Variants in TMEM181 observed in about 807,000 individuals in gnomAD.
TMEM181 encodes the protein G protein-coupled receptor 178.
A neutral mutation model predicts 71.9 loss-of-function variants in TMEM181; 39 were observed. The ratio of observed to expected loss-of-function variants is 0.54; its 90% confidence interval spans 0.42 to 0.71. TMEM181 has a LOEUF of 0.71. Ranked by LOEUF, TMEM181 falls within the 30% of genes least tolerant of loss-of-function variation. The probability of loss-of-function intolerance (pLI) is 0.00; values close to 1 mark genes in which losing one functional copy is unlikely to be tolerated. For missense variants in TMEM181, 595 were observed against 583.0 expected (o/e 1.02, Z -0.21); for synonymous variants, 245 against 228.8 (o/e 1.07, Z -0.64).
Position 158,605,435 on chromosome 6 carries a change from TGGAGATTG to T in TMEM181, c.573+89_573+96del. 12 of 1,225,364 alleles carry T rather than the reference TGGAGATTG, an allele frequency of 9.8e-6. No individual in the cohort carries two copies. In the South Asian group the frequency reaches 1.3e-4, roughly 13 times the overall value. 75.9% of individuals were successfully genotyped at this position (1,225,364 alleles called of 1,614,324 possible). A position where few individuals can be genotyped will look rare whatever the true frequency, so the allele number is the denominator to read the frequency against. Reference sequence around the variant, plus strand: ...GTTAGGATCTTCGGTGCAAGCCACATGGAGATTGATCTGAACTCAGATGCTCCATCCAG... The same window carrying T: ...GTTAGGATCTTCGGTGCAAGCCACATATCTGAACTCAGATGCTCCATCCAG... On this transcript the variant is annotated intron_variant, in intron 7 of 16. Transcript: ENST00000684151.
chr6:158,544,044 T>C (rs1237590224), intron 1 of TMEM181, among the ~76,000 whole-genome samples: 1 of 152,186 alleles, frequency 6.6e-6, no homozygotes, highest in African/African-American at 2.4e-5. Context: ...AGATCCCTCC[T>C]GGCTCTAAAA....
chr6:158,585,530 A>T (rs895035448), intron 5 of TMEM181, 105 bp downstream of exon 5: 9 of 1,296,070 alleles, frequency 6.9e-6, no homozygotes, highest in Non-Finnish European at 9.0e-6. Flanking sequence ...AGGCTTCGAG[A>T]AATTGTTCTT....
In TMEM181 at chr6:158,633,739, A is replaced by G. The variant is rs190626470; in HGVS notation, c.*1851A>G. On this transcript the variant is annotated 3_prime_UTR_variant, in exon 17 of 17. Transcript: ENST00000684151. ...TGTTTTAAAAACCTTGTAAATATGA[A>G]TGTTTAAGACAACTTACTGCAAGGG... 1.7e-4 allele frequency: 26 copies of G among 152,316 alleles called. No homozygotes were observed. Among genetic ancestry groups the G allele is most frequent in the Admixed American group, 4.6e-4 (7 of 15,302 alleles). The allele number at this position is 152,316 out of a possible 1,614,324, so 9.4% of individuals were successfully genotyped here. A position where few individuals can be genotyped will look rare whatever the true frequency, so the allele number is the denominator to read the frequency against.
At chr6:158,554,468 C>A (rs1431484424) in intron 1 of TMEM181, among the ~76,000 whole-genome samples, 1 of 152,194 alleles carries the variant, frequency 6.6e-6, no homozygotes, top group Non-Finnish European at 1.5e-5. Context: ...GATCCACCTG[C>A]CTCAGCCTCC....
intron 1 of TMEM181, among the ~76,000 whole-genome samples, chr6:158,538,138 A>C (rs1398672791): frequency 1.5e-4 from 17 of 109,910 alleles, no homozygotes; most frequent in South Asian, 3.5e-4. Context: ...CCCGCCCCCT[A>C]CTCTGTTTTT....
At position 158,593,952 on chromosome 6, in the gene TMEM181, G is replaced by A. The variant is rs368348945; in HGVS notation, c.492+4170G>A. Among the ~76,000 whole-genome samples the A allele has an allele frequency of 2.0e-5, 3 of 151,322 alleles. No individual in the cohort carries two copies. The East Asian group carries it at 5.8e-4, about 29-fold the overall frequency. ...GTTTACATTAGAATTCCCTCTTGGT[G>A]TTGTACATTCTGTAGGATCCACTAT... On this transcript the variant is annotated intron_variant, in intron 6 of 16. Coordinates refer to ENST00000684151, the MANE Select transcript of TMEM181 (RefSeq NM_001376852.1).
chr6:158,585,230 A>G (rs761288143), intron 4 of TMEM181, 74 bp from the exon 5 acceptor site: 75 of 1,468,082 alleles, frequency 5.1e-5, no homozygotes, highest in Non-Finnish European at 6.4e-5. Flanking sequence ...AGGTCATTAC[A>G]GAGCCAGGAA....
At chr6:158,538,041 G>T (rs1040276144) in intron 1 of TMEM181, among the ~76,000 whole-genome samples, 2 of 152,062 alleles carry the variant, frequency 1.3e-5, no homozygotes, top group Non-Finnish European at 2.9e-5. Flanking sequence ...TGGAAGACCT[G>T]AGGGTATGGG....
At chr6:158,581,131 C>A in intron 3 of TMEM181, 136 bp downstream of exon 3, 1 of 783,112 alleles carries the variant, frequency 1.3e-6, no homozygotes, top group Non-Finnish European at 2.0e-6. Context: ...ATTTCTTCTT[C>A]CATTGTCAGC....
rs1363569648 is a variant in TMEM181, at chr6:158,605,154, G to GTGTGTGTA, written c.493-108_493-107insGTATGTGT. The GTGTGTGTA allele has an allele frequency of 5.5e-4, 316 of 576,384 alleles. 2 individuals carry two copies. The African/African-American group carries it at 5.7e-3, about 10-fold the overall frequency. The allele number at this position is 576,384 out of a possible 1,614,324, so 35.7% of individuals were successfully genotyped here. On this transcript the variant is annotated intron_variant, in intron 6 of 16. Transcript: ENST00000684151. ...AAAGTGTGTGTGTGTGTGTGTGTGT[G>GTGTGTGTA]TGTGTATGTGTATATATTGTCTCAT...
chr6:158,560,104 CCGGCCGCTGCT>C lies in TMEM181; in HGVS notation c.-119_-109del. On this transcript the variant is annotated 5_prime_UTR_variant, in exon 1 of 17. Transcript: ENST00000684151. ...TCGCGCTCTGATGAGTTTTCCGCGG[CCGGCCGCTGCT>C]CAGCCGCTGTCGCTCCGGCTCCGGC... 1.0e-6 allele frequency: 1 copy of C among 985,026 alleles called. No individual in the cohort carries two copies. The highest frequency in any genetic ancestry group is 1.2e-6 in the Non-Finnish European group (1 of 829,786). The allele number at this position is 985,026 out of a possible 1,614,324, so 61.0% of individuals were successfully genotyped here.
chr6:158,579,705 G>A (rs1783366193), intron 2 of TMEM181, among the ~76,000 whole-genome samples: 1 of 151,966 alleles, frequency 6.6e-6, no homozygotes, highest in Non-Finnish European at 1.5e-5. Context: ...GGCAACAAGA[G>A]TGAAACGCTG....
intron 2 of TMEM181, 45 bp from the exon 3 acceptor site, chr6:158,580,895 C>G (rs1783433381): frequency 1.3e-6 from 2 of 1,530,730 alleles, no homozygotes; most frequent in Non-Finnish European, 1.8e-6. Flanking sequence ...ACTAAATTAT[C>G]AATATTGCTA....
At chr6:158,610,480 A>G (rs553778954) in intron 10 of TMEM181, 26 of 332,406 alleles carry the variant, frequency 7.8e-5, no homozygotes, top group Non-Finnish European at 1.2e-4. Context: ...GCATATCCAA[A>G]TGACAGTGGG....
chr6:158,558,487 G>A (rs1781986267), upstream of TMEM181, among the ~76,000 whole-genome samples: 3 of 152,176 alleles, frequency 2.0e-5, no homozygotes, highest in African/African-American at 7.2e-5. Flanking sequence ...CTGCAACGTG[G>A]TTAGACAACA....
chr6:158,633,951 A>G lies in TMEM181; in HGVS notation c.*2063A>G, dbSNP rs1025166422. 1 of 152,194 alleles carries G rather than the reference A, an allele frequency of 6.6e-6. No homozygotes were observed. The highest frequency in any genetic ancestry group is 2.4e-5 in the African/African-American group (1 of 41,464). The allele number at this position is 152,194 out of a possible 1,614,324, so 9.4% of individuals were successfully genotyped here. On this transcript the variant is annotated 3_prime_UTR_variant, in exon 17 of 17. Transcript: ENST00000684151. ...TTACAACTTTTAATCATAATTGTCC[A>G]TGATTTTGGAATGCTGTTATTTATC...
chr6:158,545,306 TG>T (rs1272573674), intron 1 of TMEM181, among the ~76,000 whole-genome samples: 1 of 152,280 alleles, frequency 6.6e-6, no homozygotes, highest in African/African-American at 2.4e-5. Flanking sequence ...TTTGCGACCC[TG>T]GGACCCACAA....
intron 6 of TMEM181, among the ~76,000 whole-genome samples, chr6:158,592,377 G>A (rs1379881469): frequency 6.6e-6 from 1 of 152,162 alleles, no homozygotes; most frequent in Non-Finnish European, 1.5e-5. Context: ...GGGGGCAGTA[G>A]CTTATGCCTG....
At chr6:158,625,643 A>G in intron 12 of TMEM181, 60 bp from the exon 13 acceptor site, 1 of 1,466,302 alleles carries the variant, frequency 6.8e-7, no homozygotes. Flanking sequence ...TTTATTTTTC[A>G]AAATAAAATG....
Sources: allele counts gnomAD v4.1 joint callset (sites outside exome capture counted in the v4.1 genomes callset), GRCh38; gene constraint gnomAD v4.1.1; transcripts MANE v1.5; gene names NCBI Gene and HGNC (gene_info 2026-07-23, HGNC 2026-07-21).